The following XPC variants were observed in gnomAD, a reference collection of about 807,000 sequenced individuals.
XPC encodes the protein DNA repair protein complementing XP-C cells.
Under a neutral mutation model 95.8 loss-of-function variants are expected in XPC, and 76 were observed. The observed-to-expected ratio is 0.79, with a 90% CI of 0.66 to 0.96. XPC has a LOEUF of 0.96. XPC is among the 40% of genes least tolerant of loss of function. The probability of loss-of-function intolerance (pLI) is 0.00; values close to 1 mark genes in which losing one functional copy is unlikely to be tolerated. For synonymous variants in XPC, 442 were observed against 442.1 expected, an observed-to-expected ratio of 1.00 and a Z score of 0.00; for missense variants, 1,146 against 1,179.8, an observed-to-expected ratio of 0.97 and a Z score of 0.42.
intron 14 of XPC, chr3:14,147,642 C>T (rs1392270534): frequency 5.0e-6 from 3 of 602,082 alleles, no homozygotes; most frequent in African/African-American, 1.9e-5. Context: ...AACCTGGACA[C>T]AGGCAATTCA....
chr3:14,146,847 T>C (rs868096734), intron 15 of XPC, among the ~76,000 whole-genome samples: 1 of 152,166 alleles, frequency 6.6e-6, no homozygotes, highest in South Asian at 2.1e-4. Flanking sequence ...GAGGGCTGCA[T>C]GTCAAATTCA....
Position 14,158,484 on chromosome 3 carries a change from G to A in XPC, c.1399C>T (p.Gln467Ter). 6.2e-7 allele frequency: 1 copy of A among 1,612,422 alleles called. No homozygotes were observed. Among genetic ancestry groups the A allele is most frequent in the Non-Finnish European group, 8.5e-7 (1 of 1,178,950 alleles). The change falls in exon 9 of 16, where the codon CAG becomes TAG. Residue 467 changes from glutamine to a stop codon, truncating the protein, a stop_gained. Coordinates refer to ENST00000285021, the MANE Select transcript of XPC (RefSeq NM_004628.5). LOFTEE classifies it high-confidence loss of function. The surrounding 1 kb of genome is among the most constrained non-coding windows in gnomAD (Gnocchi z 5.2). ...CTCTGAGGAGCGGGGGCTTTCCTCT[G>A]CTTTGGAGGGCCAGGTTCGGAATCC... ...DEDSEPGPPK[Q>*]RKAPAPQRTK...
chr3:14,160,382 T>C (rs973272491), intron 7 of XPC, among the ~76,000 whole-genome samples: 2 of 152,218 alleles, frequency 1.3e-5, no homozygotes, highest in Non-Finnish European at 2.9e-5. Context: ...AGCTGTTAAC[T>C]TGGAAGTCTG....
At position 14,145,551 on chromosome 3, in the gene XPC, G is replaced by A. The variant is rs914903102; in HGVS notation, c.*390C>T. 12 of 699,960 alleles carry A rather than the reference G, an allele frequency of 1.7e-5. No individual in the cohort carries two copies. The highest frequency in any genetic ancestry group is 1.8e-5 in the Non-Finnish European group (7 of 384,798). The allele number at this position is 699,960 out of a possible 1,614,324, so 43.4% of individuals were successfully genotyped here. ...ACTCTAACTGGAAGAAACGATCAGC[G>A]CATTCACGGATGCACCACCATCCAG... On this transcript the variant is annotated 3_prime_UTR_variant, in exon 16 of 16. Coordinates refer to ENST00000285021, the MANE Select transcript of XPC (RefSeq NM_004628.5).
rs112220569 is a variant in XPC at position 14,148,467 on chromosome 3, A to G, written c.2420+95T>C. 1.1e-5 allele frequency: 16 copies of G among 1,516,678 alleles called. No homozygotes were observed. In the African/African-American group the frequency reaches 1.7e-4, roughly 16 times the overall value. The allele number at this position is 1,516,678 out of a possible 1,614,324, so 94.0% of individuals were successfully genotyped here. On this transcript the variant is annotated intron_variant, in intron 13 of 15. Transcript: ENST00000285021. ...TGAAAATTGGAGCCACCAGGCCTCA[A>G]CTCCCAGCAGCCCCATGCCAGCTTT...
At position 14,160,757 on chromosome 3, in the gene XPC, G is replaced by A. The variant is rs190269521; in HGVS notation, c.901-927C>T. ...AATAATGTCTGTAGTTTAGCTGATG[G>A]CATTGTACCAGTATTAATTTCTCAG... On this transcript the variant is annotated intron_variant, in intron 7 of 15. Transcript: ENST00000285021. Among the ~76,000 whole-genome samples, 226 of 152,330 alleles carry A rather than the reference G, an allele frequency of 1.5e-3. 1 individual carries two copies. The highest frequency in any genetic ancestry group is 4.2e-3 in the African/African-American group (173 of 41,564).
chr3:14,168,484 G>C, intron 3 of XPC, 104 bp from the exon 4 acceptor site: 1 of 1,401,890 alleles, frequency 7.1e-7, no homozygotes, highest in Non-Finnish European at 9.8e-7. Context: ...AGTGAGGCAT[G>C]AATGTGAGGG....
chr3:14,163,659 A>G (rs563345275), intron 7 of XPC, among the ~76,000 whole-genome samples: 12 of 152,232 alleles, frequency 7.9e-5, no homozygotes, highest in African/African-American at 2.4e-5. Context: ...TGACAAAAAC[A>G]TTTTGGAAAT....
At chr3:14,176,506 A>G (rs775360907) in intron 1 of XPC, among the ~76,000 whole-genome samples, 3 of 152,240 alleles carry the variant, frequency 2.0e-5, no homozygotes, top group Non-Finnish European at 2.9e-5. Flanking sequence ...TGATCCTCCA[A>G]GATATGTTTA....
intron 2 of XPC, among the ~76,000 whole-genome samples, chr3:14,171,262 G>A (rs1242315344): frequency 1.3e-5 from 2 of 152,110 alleles, no homozygotes; most frequent in Non-Finnish European, 2.9e-5. Context: ...ATATTATCTA[G>A]GATTTTGGTA....
chr3:14,168,248 T>C lies in XPC; in HGVS notation c.536+9A>G, dbSNP rs1696465648. Reference sequence around the variant, plus strand: ...TGACAGGAGCCTAGAAGCAAGGGCCTAAGCTTACCTTCTTTCTCTTGTCTT... The same window carrying C: ...TGACAGGAGCCTAGAAGCAAGGGCCCAAGCTTACCTTCTTTCTCTTGTCTT... On this transcript the variant is annotated intron_variant, in intron 4 of 15. Transcript: ENST00000285021. 6.2e-7 allele frequency: 1 copy of C among 1,608,640 alleles called. No homozygotes were observed. The highest frequency in any genetic ancestry group is 1.3e-5 in the African/African-American group (1 of 74,490).
intron 5 of XPC, 59 bp from the exon 6 acceptor site, chr3:14,165,644 T>G: frequency 6.3e-7 from 1 of 1,588,862 alleles, no homozygotes. Context: ...CCAGGAGGAA[T>G]TTTTGCTGCC....
rs1469558830 is a variant in XPC at position 14,145,625 on chromosome 3, A to C, written c.*316T>G. ...AAAAACTGATGTTTCTAAAGATGGA[A>C]AGAACAGGTCTAGGAGGCAGAAGAG... is the stretch of plus-strand genomic sequence containing the variant. On this transcript the variant is annotated 3_prime_UTR_variant, in exon 16 of 16. Coordinates refer to ENST00000285021, the MANE Select transcript of XPC (RefSeq NM_004628.5). 1.4e-6 allele frequency: 1 copy of C among 699,416 alleles called. No individual in the cohort carries two copies. Among genetic ancestry groups the C allele is most frequent in the Non-Finnish European group, 2.6e-6 (1 of 384,744 alleles). The allele number at this position is 699,416 out of a possible 1,614,324, so 43.3% of individuals were successfully genotyped here.
At chr3:14,164,658 T>C (rs1337284547) in intron 7 of XPC, 155 bp downstream of exon 7, 2 of 702,540 alleles carry the variant, frequency 2.8e-6, no homozygotes, top group African/African-American at 1.9e-5. Flanking sequence ...AGAGGCATCA[T>C]GTAGCTATTC....
At chr3:14,159,708 G>T (rs775141749) in intron 8 of XPC, 33 bp downstream of exon 8, 1 of 1,528,720 alleles carries the variant, frequency 6.5e-7, no homozygotes. Flanking sequence ...CCTGTCAATT[G>T]CTCCTCTTCT....
intron 11 of XPC, chr3:14,151,736 A>C (rs771471736): frequency 6.6e-6 from 1 of 152,286 alleles, no homozygotes; most frequent in Non-Finnish European, 1.5e-5. Context: ...GTTCCTCAAG[A>C]GCAACCAGCC....
chr3:14,170,073 G>A (rs1696548326), intron 3 of XPC, among the ~76,000 whole-genome samples: 1 of 152,240 alleles, frequency 6.6e-6, no homozygotes, highest in Non-Finnish European at 1.5e-5. Context: ...AGTTCAGAGA[G>A]GTGAAGTTAC....
intron 7 of XPC, among the ~76,000 whole-genome samples, chr3:14,161,535 T>C (rs1696165271): frequency 6.8e-6 from 1 of 146,220 alleles, no homozygotes; most frequent in Non-Finnish European, 1.5e-5. Flanking sequence ...ATCAATTAAA[T>C]ATACATTAAT....
At position 14,158,698 on chromosome 3, in the gene XPC, C is replaced by T. The variant is rs886058051; in HGVS notation, c.1185G>A (p.Lys395=). 6.2e-7 allele frequency: 1 copy of T among 1,613,868 alleles called. No individual in the cohort carries two copies. Among genetic ancestry groups the T allele is most frequent in the Middle Eastern group, 1.6e-4 (1 of 6,062 alleles). ...CCTCATCTTCCTCGCTGGAGGAGGG[C>T]TTGCTCCGTTTCTTTCTGCCTCCCT... ...RNKGGRKKRS[K]PSSSEEDEGP... is the part of the protein sequence containing the mutation. The change falls in exon 9 of 16, where the codon AAG becomes AAA. Residue 395 remains lysine, a synonymous_variant. Coordinates refer to ENST00000285021, the MANE Select transcript of XPC (RefSeq NM_004628.5). The surrounding 1 kb of genome is among the most constrained non-coding windows in gnomAD (Gnocchi z 5.2).
Sources: gnomAD v4.1 joint callset for allele counts (sites outside exome capture counted in the v4.1 genomes callset) on GRCh38, gnomAD v4.1.1 for gene constraint, Gnocchi (gnomAD v3.1) non-coding constraint, MANE v1.5 for transcripts, NCBI Gene and HGNC (gene_info 2026-07-23, HGNC 2026-07-21) for gene names.